The following SLIT3 variants were observed in gnomAD, a reference collection of about 807,000 sequenced individuals.
The protein encoded by SLIT3 is slit guidance ligand 3, also known as slit homolog 3 protein.
A neutral mutation model predicts 184.0 loss-of-function variants in SLIT3; 68 were observed. The ratio of observed to expected loss-of-function variants is 0.37; its 90% CI spans 0.30 to 0.45. The LOEUF (loss-of-function observed/expected upper bound fraction) is 0.45. SLIT3 is among the 20% of genes least tolerant of loss of function. SLIT3 has a pLI of 1.00. For synonymous variants in SLIT3, 831 were observed against 828.6 expected (o/e 1.00, Z -0.05); for missense variants, 1,707 against 2,026.0 (o/e 0.84, Z 3.02).
intron 29 of SLIT3, among the ~76,000 whole-genome samples, chr5:168,689,448 A>G: frequency 6.6e-6 from 1 of 152,230 alleles, no homozygotes; most frequent in East Asian, 1.9e-4. Context: ...GAAATCAGTC[A>G]GGCCCAGACT....
At chr5:168,955,947 AG>A (rs1269390317) in intron 4 of SLIT3, among the ~76,000 whole-genome samples, 16 of 152,208 alleles carry the variant, frequency 1.1e-4, no homozygotes, top group Non-Finnish European at 2.2e-4. Flanking sequence ...CAGTGCTAAA[AG>A]ATGGAGACCA....
At chr5:169,092,124 G>A (rs1759611736) in intron 4 of SLIT3, among the ~76,000 whole-genome samples, 1 of 152,218 alleles carries the variant, frequency 6.6e-6, no homozygotes, top group Non-Finnish European at 1.5e-5. Flanking sequence ...TTCGGAGGCT[G>A]AGGCAGGAGA....
At chr5:168,697,958 C>T (rs529520711) in intron 27 of SLIT3, among the ~76,000 whole-genome samples, 4 of 152,246 alleles carry the variant, frequency 2.6e-5, no homozygotes, top group African/African-American at 9.6e-5. Context: ...AGAGAGGTTG[C>T]TAAAGGAGTG....
chr5:169,048,825 A>G (rs985712059), intron 4 of SLIT3, among the ~76,000 whole-genome samples: 6 of 151,226 alleles, frequency 4.0e-5, no homozygotes, highest in Admixed American at 4.0e-4. Flanking sequence ...GCAAACCCAG[A>G]CCCCTTGCCC....
At chr5:169,268,943 G>A (rs912264702) in intron 1 of SLIT3, among the ~76,000 whole-genome samples, 2 of 152,074 alleles carry the variant, frequency 1.3e-5, no homozygotes, top group South Asian at 2.1e-4. Context: ...CACCATCATC[G>A]TATGTTATTA....
intron 14 of SLIT3, 53 bp from the exon 15 acceptor site, chr5:168,762,742 C>A: frequency 1.9e-6 from 3 of 1,587,418 alleles, no homozygotes; most frequent in Middle Eastern, 1.9e-4. Context: ...CACGCACAGC[C>A]CCAGGTTGTG....
chr5:168,972,305 C>G (rs1183828856), intron 4 of SLIT3, among the ~76,000 whole-genome samples: 1 of 136,162 alleles, frequency 7.3e-6, no homozygotes, highest in Non-Finnish European at 1.6e-5. Flanking sequence ...TTAGATTCAA[C>G]CTGGCTTGTT....
chr5:168,987,643 C>G (rs1297810114), intron 4 of SLIT3, among the ~76,000 whole-genome samples: 1 of 152,236 alleles, frequency 6.6e-6, no homozygotes, highest in Non-Finnish European at 1.5e-5. Context: ...CTTAGCCACA[C>G]AAGCATCTAG....
Position 168,664,519 on chromosome 5 carries a change from TCCTTC to T in SLIT3, c.*1930_*1934del, listed in dbSNP as rs1164322991. The T allele has an allele frequency of 8.7e-4, 15 of 17,324 alleles. No individual in the cohort carries two copies. In the East Asian group the frequency reaches 0.027, roughly 31 times the overall value. The allele number at this position is 17,324 out of a possible 1,614,324, so 1.1% of individuals were successfully genotyped here. A position where few individuals can be genotyped will look rare whatever the true frequency, so the allele number is the denominator to read the frequency against. On this transcript the variant is annotated 3_prime_UTR_variant, in exon 36 of 36. Coordinates refer to ENST00000519560, the MANE Select transcript of SLIT3 (RefSeq NM_003062.4). ...CCCCTCCATCCCTTCCTTCTTTCCT[TCCTTC>T]CTTCTTCCAGTTGCCTCGTTTTCCT... is the stretch of plus-strand genomic sequence containing the variant.
chr5:169,198,818 G>A (rs1004857858), intron 3 of SLIT3, among the ~76,000 whole-genome samples: 4 of 151,928 alleles, frequency 2.6e-5, no homozygotes, highest in African/African-American at 7.3e-5. Flanking sequence ...TGTAATCCCC[G>A]CTACTCGGGA....
intron 4 of SLIT3, among the ~76,000 whole-genome samples, chr5:169,093,843 G>A (rs1759678396): frequency 6.6e-6 from 1 of 152,090 alleles, no homozygotes; most frequent in South Asian, 2.1e-4. Context: ...TATAAGCATG[G>A]CCTTGAAGAG....
intron 4 of SLIT3, among the ~76,000 whole-genome samples, chr5:168,977,541 T>C (rs530566828): frequency 1.3e-5 from 2 of 152,194 alleles, no homozygotes; most frequent in East Asian, 3.9e-4. Flanking sequence ...GTCAGTGAGG[T>C]TCTCCCTCCA....
At chr5:168,976,332 C>T (rs971338269) in intron 4 of SLIT3, among the ~76,000 whole-genome samples, 4 of 152,144 alleles carry the variant, frequency 2.6e-5, no homozygotes, top group Non-Finnish European at 5.9e-5. Flanking sequence ...AGCCAAACTT[C>T]CTGGGAGACT....
intron 4 of SLIT3, among the ~76,000 whole-genome samples, chr5:169,035,263 A>G (rs1212994710): frequency 2.6e-5 from 4 of 152,142 alleles, no homozygotes; most frequent in African/African-American, 9.7e-5. Flanking sequence ...GATCAATAAT[A>G]TTAACAGTAG....
At chr5:168,938,864 C>A (rs1184046561) in intron 4 of SLIT3, among the ~76,000 whole-genome samples, 1 of 152,144 alleles carries the variant, frequency 6.6e-6, no homozygotes, top group Non-Finnish European at 1.5e-5. Flanking sequence ...CTCCTGATCT[C>A]ATGATCTGCC....
intron 4 of SLIT3, among the ~76,000 whole-genome samples, chr5:168,936,287 T>C (rs552070517): frequency 4.0e-4 from 61 of 152,078 alleles, no homozygotes; most frequent in Non-Finnish European, 7.5e-4. Flanking sequence ...CTGGCTGGAG[T>C]TCAGTGGTGC....
chr5:168,975,923 T>A (rs1367175193), intron 4 of SLIT3, among the ~76,000 whole-genome samples: 1 of 152,164 alleles, frequency 6.6e-6, no homozygotes, highest in East Asian at 1.9e-4. Context: ...GTACAGAGAT[T>A]AACTTCTACG....
At chr5:168,831,663 G>A (rs1278106015) in intron 6 of SLIT3, among the ~76,000 whole-genome samples, 6 of 152,096 alleles carry the variant, frequency 3.9e-5, no homozygotes, top group East Asian at 1.9e-4. Context: ...ATTTGGCACC[G>A]GGTGAGCGTT....
In SLIT3 at chr5:168,757,726, T is replaced by C. The variant is rs189940729; in HGVS notation, c.1685+3136A>G. Among the ~76,000 whole-genome samples the C allele has an allele frequency of 3.1e-3, 471 of 152,306 alleles. 1 individual carries two copies. The highest frequency in any genetic ancestry group is 0.01 in the Middle Eastern group (3 of 294). On this transcript the variant is annotated intron_variant, in intron 16 of 35. Coordinates refer to ENST00000519560, the MANE Select transcript of SLIT3 (RefSeq NM_003062.4). ...CTGGGATTACAGGCGTGAGCCACCG[T>C]GCCCAACCCAACCCCTGTTTTAAAT...
Sources: gnomAD v4.1 joint callset for allele counts (sites outside exome capture counted in the v4.1 genomes callset) on GRCh38, gnomAD v4.1.1 for gene constraint, MANE v1.5 for transcripts, NCBI Gene and HGNC (gene_info 2026-07-23, HGNC 2026-07-21) for gene names.